GRID1: variants seen among roughly 807,000 people sequenced by gnomAD.
GRID1 encodes glutamate receptor ionotropic, delta-1.
Under a neutral mutation model 98.0 loss-of-function variants are expected in GRID1, and 28 were observed. That is an observed-to-expected ratio of 0.29 (90% CI 0.21 to 0.39). The LOEUF is 0.39. Ranked by LOEUF, GRID1 falls within the 10% of genes least tolerant of loss-of-function variation. The pLI is 1.00. For synonymous variants in GRID1, 553 were observed against 538.5 expected (o/e 1.03, Z -0.37); for missense variants, 1,111 against 1,340.5 (o/e 0.83, Z 2.67).
At chr10:85,860,424 T>A (rs1029924346) in intron 6 of GRID1, among the ~76,000 whole-genome samples, 1 of 152,036 alleles carries the variant, frequency 6.6e-6, no homozygotes, top group African/African-American at 2.4e-5. Context: ...CAAAGCAAAA[T>A]ACCTGGAGCC....
intron 4 of GRID1, among the ~76,000 whole-genome samples, chr10:85,924,893 G>A (rs75410401): frequency 0.011 from 1,660 of 152,272 alleles, 28 homozygotes; most frequent in African/African-American, 0.038. Context: ...TCACAGCCCC[G>A]GGGGAATGAA....
At chr10:85,832,795 G>A (rs72842913) in intron 8 of GRID1, among the ~76,000 whole-genome samples, 2,866 of 152,212 alleles carry the variant, frequency 0.019, 44 homozygotes, top group Admixed American at 0.04. Flanking sequence ...GATGGTCCGG[G>A]TAGGCTCATT....
chr10:85,927,226 C>A (rs1326895663), intron 4 of GRID1, among the ~76,000 whole-genome samples: 3 of 152,214 alleles, frequency 2.0e-5, no homozygotes, highest in African/African-American at 7.2e-5. Flanking sequence ...TTCACTATGC[C>A]GACTGCCTGT....
At chr10:85,797,109 G>A (rs1214324175) in intron 8 of GRID1, among the ~76,000 whole-genome samples, 2 of 152,088 alleles carry the variant, frequency 1.3e-5, no homozygotes, top group Non-Finnish European at 2.9e-5. Flanking sequence ...AAACCAAAAT[G>A]GGAATGAAAG....
intron 12 of GRID1, among the ~76,000 whole-genome samples, chr10:85,715,313 CT>C (rs1416573853): frequency 6.6e-6 from 1 of 152,144 alleles, no homozygotes. Context: ...TGACATTGGT[CT>C]GGGGCGTGAT....
At chr10:85,934,204 T>G (rs906868854) in intron 4 of GRID1, among the ~76,000 whole-genome samples, 2 of 152,226 alleles carry the variant, frequency 1.3e-5, no homozygotes, top group South Asian at 4.2e-4. Flanking sequence ...TAGGAATGGC[T>G]TCATGGAGGT....
intron 4 of GRID1, among the ~76,000 whole-genome samples, chr10:86,057,030 C>T (rs1300322878): frequency 2.0e-5 from 3 of 152,206 alleles, no homozygotes; most frequent in Admixed American, 6.5e-5. Context: ...CCATAAAGGG[C>T]TGCTGTCCCT....
intron 5 of GRID1, among the ~76,000 whole-genome samples, chr10:85,874,854 T>C (rs1250990858): frequency 1.3e-5 from 2 of 152,086 alleles, no homozygotes; most frequent in East Asian, 3.8e-4. Context: ...GGTTATGTTA[T>C]TTTATTTTAT....
rs752095902 is a variant in GRID1 at position 86,366,427 on chromosome 10, G to A, written c.-35C>T. ...GCGCGCGGCTCATCCACCCGGGCCC[G>A]GGGCGAGGCCGAGGGCAGCGCGAAG... On this transcript the variant is annotated 5_prime_UTR_variant, in exon 1 of 16. Coordinates refer to ENST00000327946, the MANE Select transcript of GRID1 (RefSeq NM_017551.3). The surrounding 1 kb of genome is among the most constrained non-coding windows in gnomAD (Gnocchi z 4.1). 4.9e-6 allele frequency: 7 copies of A among 1,440,756 alleles called. No individual in the cohort carries two copies. The highest frequency in any genetic ancestry group is 3.0e-5 in the East Asian group (1 of 33,012). 89.2% of individuals were successfully genotyped at this position (1,440,756 alleles called of 1,614,324 possible). A position where few individuals can be genotyped will look rare whatever the true frequency, so the allele number is the denominator to read the frequency against.
chr10:85,666,743 C>T (rs1207033665), intron 12 of GRID1, among the ~76,000 whole-genome samples: 2 of 152,170 alleles, frequency 1.3e-5, no homozygotes, highest in East Asian at 3.8e-4. Context: ...GGCATCTCCA[C>T]CTGGACATCT....
At chr10:85,697,764 T>C (rs890952276) in intron 12 of GRID1, among the ~76,000 whole-genome samples, 3 of 152,218 alleles carry the variant, frequency 2.0e-5, no homozygotes, top group Admixed American at 1.3e-4. Flanking sequence ...CTTCAGGCTA[T>C]TGAAATTTTA....
At chr10:85,976,286 A>G (rs1842471591) in intron 4 of GRID1, among the ~76,000 whole-genome samples, 1 of 152,196 alleles carries the variant, frequency 6.6e-6, no homozygotes, top group Non-Finnish European at 1.5e-5. Flanking sequence ...TCTGCTGAGC[A>G]CTTTGATCCG....
intron 2 of GRID1, among the ~76,000 whole-genome samples, chr10:86,289,207 A>T (rs2132074024): frequency 6.6e-6 from 1 of 152,248 alleles, no homozygotes; most frequent in East Asian, 1.9e-4. Flanking sequence ...TCTAATGAAG[A>T]CCAATTAATG....
chr10:86,166,327 T>C (rs1015153377), intron 3 of GRID1, among the ~76,000 whole-genome samples: 12 of 152,148 alleles, frequency 7.9e-5, no homozygotes, highest in African/African-American at 2.4e-4. Flanking sequence ...ATCCAGAATC[T>C]ACAAAGAACT....
chr10:86,321,629 C>T (rs1487746759), intron 2 of GRID1, among the ~76,000 whole-genome samples: 1 of 152,090 alleles, frequency 6.6e-6, no homozygotes, highest in Non-Finnish European at 1.5e-5. Context: ...TCTGGGAAGC[C>T]CAGCAAGTGA....
intron 4 of GRID1, among the ~76,000 whole-genome samples, chr10:86,078,431 T>G (rs1323645713): frequency 6.6e-6 from 1 of 152,234 alleles, no homozygotes; most frequent in African/African-American, 2.4e-5. Context: ...GCACAGACAG[T>G]GGGTGGAACG....
At chr10:86,060,949 G>A (rs4934146) in intron 4 of GRID1, among the ~76,000 whole-genome samples, 137,309 of 152,120 alleles carry the variant, frequency 0.9, 62,147 homozygotes, top group East Asian at 1. Flanking sequence ...TCTACAATGC[G>A]CCCCTTTCCA....
At chr10:85,860,233 C>T (rs1843152249) in intron 6 of GRID1, among the ~76,000 whole-genome samples, 2 of 152,218 alleles carry the variant, frequency 1.3e-5, no homozygotes, top group African/African-American at 4.8e-5. Flanking sequence ...CAAGCAGATG[C>T]TGTCACTATT....
intron 3 of GRID1, among the ~76,000 whole-genome samples, chr10:86,198,762 G>A (rs1046701746): frequency 1.3e-5 from 2 of 152,092 alleles, no homozygotes; most frequent in African/African-American, 4.8e-5. Context: ...CTGACTGGAG[G>A]AGCAAACTGC....
Sources: allele counts gnomAD v4.1 joint callset (sites outside exome capture counted in the v4.1 genomes callset), GRCh38; gene constraint gnomAD v4.1.1; non-coding constraint Gnocchi (gnomAD v3.1); transcripts MANE v1.5; gene names NCBI Gene and HGNC (gene_info 2026-07-23, HGNC 2026-07-21).